BGN: variants seen among roughly 807,000 people sequenced by gnomAD.
The protein encoded by BGN is bone/cartilage proteoglycan-I.
Under a neutral mutation model 20.0 loss-of-function variants are expected in BGN, and 6 were observed. The ratio of observed to expected loss-of-function variants is 0.30; its 90% CI spans 0.16 to 0.59. The LOEUF (loss-of-function observed/expected upper bound fraction) is 0.59. BGN is among the 20% of genes least tolerant of loss of function. The pLI is 0.88. For synonymous variants in BGN, 146 were observed against 134.6 expected (o/e 1.08, Z -0.59); for missense variants, 292 against 312.1 (o/e 0.94, Z 0.49).
In BGN at chrX:153,508,317, G is replaced by T. The variant is rs782794495; in HGVS notation, c.979G>T (p.Val327Leu). Reference sequence around the variant, plus strand: ...CGACTTCTGTCCCATGGGCTTCGGGGTGAAGCGGGCCTACTACAACGGCAT... The same window carrying T: ...CGACTTCTGTCCCATGGGCTTCGGGTTGAAGCGGGCCTACTACAACGGCAT... ...VNDFCPMGFG[V>L]KRAYYNGISL... The change falls in exon 8 of 8, where the codon GTG (valine) becomes TTG (leucine). Residue 327 changes from valine to leucine, a missense_variant. Transcript: ENST00000331595. 15 of 1,210,967 alleles carry T rather than the reference G, an allele frequency of 1.2e-5. No individual in the cohort carries two copies. Among genetic ancestry groups the T allele is most frequent in the Admixed American group, 4.4e-5 (2 of 45,961 alleles).
At chrX:153,505,157 T>C in intron 2 of BGN, 81 bp from the exon 3 acceptor site, 1 of 827,707 alleles carries the variant, frequency 1.2e-6, no homozygotes, top group East Asian at 3.2e-5. Context: ...GTGGGGCCCC[T>C]AGGTCTCGAG....
In BGN at chrX:153,504,621, G is replaced by T; in HGVS notation, c.-11G>T. On this transcript the variant is annotated splice_region_variant and 5_prime_UTR_variant, in exon 2 of 8. Coordinates refer to ENST00000331595, the MANE Select transcript of BGN (RefSeq NM_001711.6). ...ATGATCCCCTCGCCTCTTCCCCCAG[G>T]TCCATCCGCCATGTGGCCCCTGTGG... 1 of 1,190,749 alleles carries T rather than the reference G, an allele frequency of 8.4e-7. No homozygotes were observed. The highest frequency in any genetic ancestry group is 1.1e-6 in the Non-Finnish European group (1 of 879,665).
In BGN at chrX:153,506,567, C is replaced by G. The variant is rs781790595; in HGVS notation, c.604C>G (p.Pro202Ala). Residue 202 changes from proline (P) to alanine (A), a missense_variant, in exon 5 of 8, where the codon CCT becomes GCT. Physicochemically the swap from Pro to Ala is conservative, Grantham distance 27. Transcript: ENST00000331595. ...CCCACTGGAGAACAGTGGCTTTGAA[C>G]CTGGAGCCTTCGATGGCCTGAAGCT... ...GNPLENSGFE[P>A]GAFDGLKLNY... is the part of the protein sequence containing the mutation. 47 of 1,209,540 alleles carry G rather than the reference C, an allele frequency of 3.9e-5. 1 individual carries two copies. In the South Asian group the frequency reaches 8.1e-4, roughly 21 times the overall value.
chrX:153,506,802 T>G (rs2089803863), intron 5 of BGN, 28 bp from the exon 6 acceptor site: 1 of 1,196,304 alleles, frequency 8.4e-7, no homozygotes, highest in African/African-American at 1.8e-5. Context: ...GCACCTGCAT[T>G]CTCCCCTGTG....
intron 7 of BGN, among the ~76,000 whole-genome samples, 153 bp from the exon 8 acceptor site, chrX:153,508,095 G>T (rs782662267): frequency 4.5e-5 from 5 of 112,350 alleles, no homozygotes; most frequent in Non-Finnish European, 9.4e-5. Context: ...CAAATAACAC[G>T]CCCATGCCTT....
At chrX:153,500,807 A>G (rs182241430) in intron 1 of BGN, among the ~76,000 whole-genome samples, 2,025 of 107,939 alleles carry the variant, frequency 0.019, 50 homozygotes, top group African/African-American at 0.066. Context: ...GTATGTGTGC[A>G]TGTGTGCATG....
At chrX:153,498,910 C>G (rs1397843612) in intron 1 of BGN, among the ~76,000 whole-genome samples, 1 of 111,859 alleles carries the variant, frequency 8.9e-6, no homozygotes. Context: ...TCCAGGGGAG[C>G]CCCCTGCACA....
Position 153,506,643 on chromosome X carries a change from G to A in BGN, c.676+4G>A. On this transcript the variant is annotated splice_donor_region_variant and intron_variant, in intron 5 of 7. Transcript: ENST00000331595. ...AAGCTGACTGGCATCCCCAAAGGTAGGAAGCCCACTCTTCCTGCACGCCTG... is the reference window on the plus strand; with the variant it reads ...AAGCTGACTGGCATCCCCAAAGGTAAGAAGCCCACTCTTCCTGCACGCCTG... The A allele has an allele frequency of 8.3e-7, 1 of 1,207,023 alleles. No individual in the cohort carries two copies. The highest frequency in any genetic ancestry group is 1.1e-6 in the Non-Finnish European group (1 of 891,409).
At chrX:153,496,895 C>G (rs941460859) in intron 1 of BGN, among the ~76,000 whole-genome samples, 2 of 108,621 alleles carry the variant, frequency 1.8e-5, no homozygotes, top group Non-Finnish European at 3.8e-5. Context: ...CTTGCCACCC[C>G]GTATAGAGGT....
Position 153,504,837 on chromosome X carries a change from G to A in BGN, c.206G>A (p.Cys69Tyr). 1 of 1,209,214 alleles carries A rather than the reference G, an allele frequency of 8.3e-7. No individual in the cohort carries two copies. Among genetic ancestry groups the A allele is most frequent in the Non-Finnish European group, 1.1e-6 (1 of 895,036 alleles). Reference sequence around the variant, plus strand: ...GCCATGTGTCCTTTCGGCTGCCACTGCCACCTGCGGGTGGTTCAGTGCTCC... The same window carrying A: ...GCCATGTGTCCTTTCGGCTGCCACTACCACCTGCGGGTGGTTCAGTGCTCC... ...YSAMCPFGCH[C>Y]HLRVVQCSDL... The change falls in exon 2 of 8, where the codon TGC becomes TAC. Residue 69 changes from cysteine (C) to tyrosine (Y), a missense_variant. Physicochemically the swap from Cys to Tyr is radical, Grantham distance 194. Coordinates refer to ENST00000331595, the MANE Select transcript of BGN (RefSeq NM_001711.6).
chrX:153,497,161 C>T (rs1304696377), intron 1 of BGN, among the ~76,000 whole-genome samples: 2 of 105,037 alleles, frequency 1.9e-5, no homozygotes, highest in African/African-American at 7.0e-5. Context: ...CCACGACCCC[C>T]TCCCACTCAT....
intron 1 of BGN, among the ~76,000 whole-genome samples, chrX:153,499,271 C>T (rs1228226957): frequency 3.6e-5 from 4 of 112,239 alleles, no homozygotes; most frequent in Admixed American, 9.4e-5. Flanking sequence ...CGGATCTCTT[C>T]GGAGAGTGGG....
rs1193076787 is a variant in BGN, at chrX:153,509,083, G to C, written c.*638G>C. Reference sequence around the variant, plus strand: ...TTTCTGTGTGTGTGTGTGTGTGTGTGTGTGTGTGTGTGTGTGTGTGTGTCT... The same window carrying C: ...TTTCTGTGTGTGTGTGTGTGTGTGTCTGTGTGTGTGTGTGTGTGTGTGTCT... On this transcript the variant is annotated 3_prime_UTR_variant, in exon 8 of 8. Transcript: ENST00000331595. 3 of 109,284 alleles carry C rather than the reference G, an allele frequency of 2.7e-5. No homozygotes were observed. The highest frequency in any genetic ancestry group is 5.6e-5 in the Non-Finnish European group (3 of 53,485). The allele number at this position is 109,284 out of a possible 1,213,427, so 9.0% of individuals were successfully genotyped here. A position where few individuals can be genotyped will look rare whatever the true frequency, so the allele number is the denominator to read the frequency against.
In BGN at chrX:153,508,361, C is replaced by G. The variant is rs200711767; in HGVS notation, c.1023C>G (p.Pro341=). 139 of 1,211,052 alleles carry G rather than the reference C, an allele frequency of 1.1e-4. No individual in the cohort carries two copies. The highest frequency in any genetic ancestry group is 1.4e-4 in the Non-Finnish European group (127 of 895,431). ...YYNGISLFNN[P]VPYWEVQPAT... is the part of the protein sequence containing the mutation. ...ACGGCATCAGCCTCTTCAACAACCC[C>G]GTGCCCTACTGGGAGGTGCAGCCGG... Residue 341 remains proline, a synonymous_variant, in exon 8 of 8, where the codon CCC becomes CCG. Transcript: ENST00000331595.
intron 1 of BGN, among the ~76,000 whole-genome samples, chrX:153,498,071 G>A (rs1455370006): frequency 2.7e-5 from 3 of 112,641 alleles, no homozygotes; most frequent in African/African-American, 9.7e-5. Context: ...GGCAGGCCTG[G>A]TGAAGGTGCT....
intron 1 of BGN, among the ~76,000 whole-genome samples, chrX:153,499,757 G>A (rs2089743573): frequency 8.9e-6 from 1 of 112,883 alleles, no homozygotes; most frequent in Admixed American, 9.3e-5. Flanking sequence ...TGGAGCCATC[G>A]GCGGGGAGGG....
chrX:153,504,411 AG>A (rs1405363977), intron 1 of BGN, among the ~76,000 whole-genome samples: 2 of 111,616 alleles, frequency 1.8e-5, no homozygotes, highest in African/African-American at 6.5e-5. Context: ...AGTGGAGTGG[AG>A]GGGGCACCCT....
intron 1 of BGN, among the ~76,000 whole-genome samples, chrX:153,503,988 C>G (rs2089779681): frequency 8.9e-6 from 1 of 111,884 alleles, no homozygotes; most frequent in African/African-American, 3.2e-5. Context: ...CCAACTTTAC[C>G]CACGGCCTCC....
Position 153,505,311 on chromosome X carries a change from G to A in BGN, c.312G>A (p.Glu104=). Residue 104 remains glutamate, a synonymous_variant, in exon 3 of 8, where the codon GAG becomes GAA. Coordinates refer to ENST00000331595, the MANE Select transcript of BGN (RefSeq NM_001711.6). ...ACCTGCAGAACAACGACATCTCCGAGCTCCGCAAGGATGACTTCAAGGGTC... is the reference window on the plus strand; with the variant it reads ...ACCTGCAGAACAACGACATCTCCGAACTCCGCAAGGATGACTTCAAGGGTC... ...LLDLQNNDIS[E]LRKDDFKGLQ... 8.3e-7 allele frequency: 1 copy of A among 1,210,743 alleles called. No homozygotes were observed. The highest frequency in any genetic ancestry group is 1.1e-6 in the Non-Finnish European group (1 of 894,721).
Sources: allele counts gnomAD v4.1 joint callset (sites outside exome capture counted in the v4.1 genomes callset), GRCh38; gene constraint gnomAD v4.1.1; transcripts MANE v1.5; gene names NCBI Gene and HGNC (gene_info 2026-07-23, HGNC 2026-07-21).